Variants in UBE2G1 observed in about 807,000 individuals in gnomAD.
The protein encoded by UBE2G1 is ubiquitin-conjugating enzyme E2 G1.
UBE2G1 carries 5 observed loss-of-function variants against 22.7 expected under a neutral mutation model. That is an observed-to-expected ratio of 0.22 (90% CI 0.12 to 0.46). The LOEUF is 0.46. Among genes scored for constraint, UBE2G1 ranks in the 20% least tolerant of loss-of-function variants. The pLI is 0.99. For synonymous variants in UBE2G1, 74 were observed against 67.5 expected, an observed-to-expected ratio of 1.10 and a Z score of -0.47; for missense variants, 88 against 203.9, an observed-to-expected ratio of 0.43 and a Z score of 3.46.
intron 3 of UBE2G1, among the ~76,000 whole-genome samples, chr17:4,294,442 A>G (rs1969083460): frequency 1.5e-5 from 1 of 66,426 alleles, no homozygotes; most frequent in Admixed American, 1.7e-4. Flanking sequence ...AAAAAAAAAG[A>G]AAGAAACGAA....
At chr17:4,335,831 A>G (rs1969639400) in intron 1 of UBE2G1, among the ~76,000 whole-genome samples, 1 of 152,216 alleles carries the variant, frequency 6.6e-6, no homozygotes, top group African/African-American at 2.4e-5. Flanking sequence ...CAAATAAAGA[A>G]AACAAACCAT....
At chr17:4,347,831 G>A (rs935886494) in intron 1 of UBE2G1, among the ~76,000 whole-genome samples, 2 of 151,936 alleles carry the variant, frequency 1.3e-5, no homozygotes, top group Admixed American at 1.3e-4. Context: ...GTGATCTTTG[G>A]TTTTTCTATT....
intron 3 of UBE2G1, among the ~76,000 whole-genome samples, chr17:4,296,252 C>T (rs900311356): frequency 1.3e-4 from 20 of 152,032 alleles, no homozygotes; most frequent in African/African-American, 4.6e-4. Flanking sequence ...ACTTTTTCCA[C>T]ATGATCTCTG....
intron 1 of UBE2G1, among the ~76,000 whole-genome samples, chr17:4,340,795 A>AT (rs1386298577): frequency 1.3e-5 from 2 of 150,408 alleles, no homozygotes; most frequent in African/African-American, 4.9e-5. Context: ...TTAAATAGAG[A>AT]TGGGGTCTCA....
intron 3 of UBE2G1, among the ~76,000 whole-genome samples, chr17:4,292,935 G>A (rs375077712): frequency 1.3e-5 from 2 of 152,092 alleles, no homozygotes; most frequent in East Asian, 3.9e-4. Context: ...TGTAAGGTCA[G>A]TCACATAAAA....
At chr17:4,274,517 C>A (rs1381513364) in intron 5 of UBE2G1, among the ~76,000 whole-genome samples, 1 of 152,016 alleles carries the variant, frequency 6.6e-6, no homozygotes, top group African/African-American at 2.4e-5. Context: ...ATCTTACAAT[C>A]ACTCAAATGC....
chr17:4,296,561 C>G (rs781427884), intron 3 of UBE2G1, among the ~76,000 whole-genome samples, 156 bp downstream of exon 3: 2 of 152,110 alleles, frequency 1.3e-5, no homozygotes. Flanking sequence ...GCCTCTCCTC[C>G]TTTTAAAGGT....
chr17:4,321,869 G>A (rs1291159291), intron 1 of UBE2G1, among the ~76,000 whole-genome samples: 1 of 152,112 alleles, frequency 6.6e-6, no homozygotes, highest in African/African-American at 2.4e-5. Flanking sequence ...CTATTAGTGT[G>A]CGATTCAAAT....
intron 3 of UBE2G1, among the ~76,000 whole-genome samples, chr17:4,294,922 G>C (rs1454693473): frequency 6.6e-6 from 1 of 151,640 alleles, no homozygotes; most frequent in Admixed American, 6.6e-5. Flanking sequence ...GGACGGAATG[G>C]GAGAAACGTA....
chr17:4,291,666 C>G (rs1196418902), intron 3 of UBE2G1, among the ~76,000 whole-genome samples: 1 of 152,048 alleles, frequency 6.6e-6, no homozygotes, highest in Non-Finnish European at 1.5e-5. Context: ...GATTTTTAGG[C>G]TTAATACCTA....
At chr17:4,336,760 C>T (rs1044895249) in intron 1 of UBE2G1, among the ~76,000 whole-genome samples, 18 of 151,956 alleles carry the variant, frequency 1.2e-4, no homozygotes, top group African/African-American at 3.4e-4. Flanking sequence ...TGTGAGCCAC[C>T]GCACCCAGCC....
intron 3 of UBE2G1, among the ~76,000 whole-genome samples, chr17:4,290,368 T>C (rs1439960267): frequency 2.0e-5 from 3 of 152,272 alleles, no homozygotes; most frequent in African/African-American, 7.2e-5. Flanking sequence ...TCAGTATTTC[T>C]GCTGTTATGA....
chr17:4,304,324 AC>A (rs1344723867), intron 2 of UBE2G1, among the ~76,000 whole-genome samples: 1 of 152,122 alleles, frequency 6.6e-6, no homozygotes, highest in Non-Finnish European at 1.5e-5. Flanking sequence ...ACCTATTGCC[AC>A]TTCTACCTGA....
intron 2 of UBE2G1, among the ~76,000 whole-genome samples, chr17:4,299,225 G>C (rs1486002605): frequency 1.3e-5 from 2 of 152,000 alleles, no homozygotes; most frequent in African/African-American, 4.8e-5. Flanking sequence ...TCTAATTATG[G>C]GTTTGAAAGC....
intron 4 of UBE2G1, 99 bp downstream of exon 4, chr17:4,289,127 ACACG>A (rs1224150464): frequency 1.1e-5 from 9 of 823,002 alleles, no homozygotes; most frequent in South Asian, 3.8e-5. Context: ...ACACACACAC[ACACG>A]CATGCATACA....
At chr17:4,322,442 T>C (rs573201739) in intron 1 of UBE2G1, among the ~76,000 whole-genome samples, 2 of 152,356 alleles carry the variant, frequency 1.3e-5, no homozygotes, top group Admixed American at 1.3e-4. Flanking sequence ...ATTTCTCTAA[T>C]TCAAATAACT....
chr17:4,363,690 C>A (rs970235161), intron 1 of UBE2G1, among the ~76,000 whole-genome samples: 17 of 152,064 alleles, frequency 1.1e-4, no homozygotes, highest in Admixed American at 1.1e-3. Context: ...CGGTGGCTCA[C>A]GTCTGTAATC....
intron 1 of UBE2G1, among the ~76,000 whole-genome samples, chr17:4,356,425 C>T (rs938622490): frequency 6.6e-6 from 1 of 152,176 alleles, no homozygotes; most frequent in Non-Finnish European, 1.5e-5. Context: ...TGTAGCACCT[C>T]AAGGTAGGGA....
At chr17:4,289,160 C>T (rs1383672222) in intron 4 of UBE2G1, 70 bp downstream of exon 4, 4 of 1,375,258 alleles carry the variant, frequency 2.9e-6, no homozygotes, top group Non-Finnish European at 3.9e-6. Context: ...TACTTACATA[C>T]ATACTAACTA....
Sources: allele counts gnomAD v4.1 joint callset (sites outside exome capture counted in the v4.1 genomes callset), GRCh38; gene constraint gnomAD v4.1.1; transcripts MANE v1.5; gene names NCBI Gene and HGNC (gene_info 2026-07-23, HGNC 2026-07-21).